TXNRD1: variants seen among roughly 807,000 people sequenced by gnomAD.
TXNRD1 encodes the protein thioredoxin reductase 1, cytoplasmic.
TXNRD1 carries 57 observed loss-of-function variants against 80.3 expected under a neutral mutation model. The ratio of observed to expected loss-of-function variants is 0.71; its 90% CI spans 0.57 to 0.89. TXNRD1 has a LOEUF of 0.89. TXNRD1 is among the 40% of genes least tolerant of loss of function. The pLI, the probability that TXNRD1 is intolerant of heterozygous loss-of-function variation, is 0.00. For synonymous variants in TXNRD1, 291 were observed against 285.2 expected (o/e 1.02, Z -0.20); for missense variants, 730 against 803.0 (o/e 0.91, Z 1.10).
chr12:104,329,776 A>G (rs2035888785), intron 13 of TXNRD1, among the ~76,000 whole-genome samples: 1 of 152,166 alleles, frequency 6.6e-6, no homozygotes, highest in Non-Finnish European at 1.5e-5. Flanking sequence ...TATGCGTGCA[A>G]TTCCATCCTT....
intron 5 of TXNRD1, among the ~76,000 whole-genome samples, chr12:104,312,344 G>A (rs568256345): frequency 5.3e-5 from 8 of 152,282 alleles, no homozygotes; most frequent in African/African-American, 1.9e-4. Context: ...TCCCATGTGA[G>A]GACCCCTTGG....
chr12:104,219,177 C>T (rs1020678362), intron 1 of TXNRD1, among the ~76,000 whole-genome samples: 7 of 152,112 alleles, frequency 4.6e-5, no homozygotes, highest in African/African-American at 1.4e-4. Flanking sequence ...AACACCTGGC[C>T]TCAAGTGATC....
rs763775599 is a variant in TXNRD1, at chr12:104,334,277, C to T, written c.1691C>T (p.Pro564Leu). The change falls in exon 15 of 17, where the codon CCG (proline) becomes CTG (leucine). Residue 564 changes from proline to leucine, a missense_variant. By Grantham distance (98) the Pro-to-Leu change is moderately conservative. Transcript: ENST00000525566. ...TTTTGGCCATTGGAATGGACGATTC[C>T]GTCAAGAGATAACAACAAATGTTAT... ...SYFWPLEWTI[P>L]SRDNNKCYAK... The T allele has an allele frequency of 5.2e-6, 8 of 1,537,754 alleles. No homozygotes were observed. Among genetic ancestry groups the T allele is most frequent in the African/African-American group, 1.4e-5 (1 of 72,606 alleles).
intron 1 of TXNRD1, among the ~76,000 whole-genome samples, chr12:104,228,644 G>A (rs2032532195): frequency 6.6e-6 from 1 of 152,144 alleles, no homozygotes; most frequent in Admixed American, 6.6e-5. Flanking sequence ...AATAAAGTGG[G>A]GGCGGCAGGG....
In TXNRD1 at chr12:104,349,750, A is replaced by G. The variant is rs960551744; in HGVS notation, c.*1329A>G. 1 of 152,400 alleles carries G rather than the reference A, an allele frequency of 6.6e-6. No homozygotes were observed. The highest frequency in any genetic ancestry group is 2.4e-5 in the African/African-American group (1 of 41,452). The allele number at this position is 152,400 out of a possible 1,614,324, so 9.4% of individuals were successfully genotyped here. On this transcript the variant is annotated 3_prime_UTR_variant, in exon 17 of 17. Coordinates refer to ENST00000525566, the MANE Select transcript of TXNRD1 (RefSeq NM_001093771.3). ...TGTGGACATCAGGCCTCCTGCCAGC[A>G]GTTCTTGAAGCTTCTTTTTCATTCC...
At chr12:104,294,227 G>A (rs2034342616) in intron 4 of TXNRD1, among the ~76,000 whole-genome samples, 1 of 20,262 alleles carries the variant, frequency 4.9e-5, no homozygotes, top group African/African-American at 1.5e-4. Context: ...ACTCCCCCGG[G>A]GAAAGGCCCC....
chr12:104,286,344 C>CT (rs1160586275), intron 3 of TXNRD1, among the ~76,000 whole-genome samples: 5 of 152,110 alleles, frequency 3.3e-5, no homozygotes, highest in African/African-American at 1.2e-4. Flanking sequence ...AAAAGACACT[C>CT]TGAGTTTTTC....
chr12:104,348,706 G>T lies in TXNRD1; in HGVS notation c.*285G>T. 1 of 383,544 alleles carries T rather than the reference G, an allele frequency of 2.6e-6. No homozygotes were observed. The highest frequency in any genetic ancestry group is 6.3e-5 in the South Asian group (1 of 15,846). 23.8% of individuals were successfully genotyped at this position (383,544 alleles called of 1,614,324 possible). On this transcript the variant is annotated 3_prime_UTR_variant, in exon 17 of 17. Transcript: ENST00000525566. ...TCAAGCCCATGTGGTAGGCGGTGAT[G>T]GAACAACTGTCAAATCAGTTTTAGC...
rs569331176 is a variant in TXNRD1 at position 104,319,798 on chromosome 12, C to A, written c.989+213C>A. Among the ~76,000 whole-genome samples the A allele has an allele frequency of 1.8e-3, 269 of 152,306 alleles. 4 individuals carry two copies. Among genetic ancestry groups the A allele is most frequent in the South Asian group, 0.014 (67 of 4,816 alleles). ...AATATTGAAAACTTCAAACATTGGT[C>A]ATCTTGCTACACAGAGTATCACTAA... is the stretch of plus-strand genomic sequence containing the variant. On this transcript the variant is annotated intron_variant, in intron 9 of 16. Transcript: ENST00000525566.
intron 1 of TXNRD1, among the ~76,000 whole-genome samples, chr12:104,241,255 G>C (rs985514291): frequency 6.6e-6 from 1 of 151,956 alleles, no homozygotes; most frequent in Non-Finnish European, 1.5e-5. Context: ...TGGCCAGGCT[G>C]GTGTCAAACT....
At chr12:104,255,009 G>C (rs767431685) in intron 2 of TXNRD1, among the ~76,000 whole-genome samples, 1 of 152,036 alleles carries the variant, frequency 6.6e-6, no homozygotes, top group Non-Finnish European at 1.5e-5. Flanking sequence ...GGAGGCACAG[G>C]CATGAGAATC....
At chr12:104,271,095 A>T (rs552288912) in intron 3 of TXNRD1, among the ~76,000 whole-genome samples, 11 of 152,294 alleles carry the variant, frequency 7.2e-5, no homozygotes, top group African/African-American at 2.6e-4. Flanking sequence ...TTGTGTGAGC[A>T]ACAAGCCTGT....
At chr12:104,291,165 A>C (rs1050862777) in intron 4 of TXNRD1, 1 of 403,122 alleles carries the variant, frequency 2.5e-6, no homozygotes, top group South Asian at 3.3e-5. Flanking sequence ...CATTTAGCAT[A>C]TTTCTTAAGT....
At position 104,311,396 on chromosome 12, in the gene TXNRD1, G is replaced by A; in HGVS notation, c.521G>A (p.Gly174Asp). 6.2e-7 allele frequency: 1 copy of A among 1,613,562 alleles called. No homozygotes were observed. The highest frequency in any genetic ancestry group is 8.5e-7 in the Non-Finnish European group (1 of 1,179,720). Reference protein sequence around the residue: ...DLIIIGGGSGGLAAAKEAAQY... With the variant: ...DLIIIGGGSGDLAAAKEAAQY... ...ATCATCATTGGAGGTGGCTCAGGAG[G>A]TCTGGCAGCTGCTAAGGCAAGGCTC... Residue 174 changes from glycine to aspartate, a missense_variant, in exon 5 of 17, where the codon GGT becomes GAT. By Grantham distance (94) the Gly-to-Asp change is moderately conservative (BLOSUM62 -1). Transcript: ENST00000525566.
At chr12:104,326,477 T>C in intron 12 of TXNRD1, 54 bp downstream of exon 12, 3 of 1,239,788 alleles carry the variant, frequency 2.4e-6, no homozygotes, top group Non-Finnish European at 3.3e-6. Context: ...TTTTTTTTTT[T>C]TTTTTGAGAT....
intron 5 of TXNRD1, among the ~76,000 whole-genome samples, chr12:104,312,928 C>G (rs912280431): frequency 8.1e-5 from 12 of 148,106 alleles, no homozygotes; most frequent in Admixed American, 7.6e-4. Flanking sequence ...TGGCCACTTT[C>G]TTTTTTCAGG....
At chr12:104,324,601 C>T (rs10861200) in intron 10 of TXNRD1, among the ~76,000 whole-genome samples, 49,847 of 151,364 alleles carry the variant, frequency 0.33, 8,383 homozygotes, top group African/African-American at 0.39. Flanking sequence ...CCTCCCGCCT[C>T]GGCCTCCCAA....
Position 104,265,476 on chromosome 12 carries a change from G to C in TXNRD1, c.304+7397G>C, listed in dbSNP as rs994879177. ...TATCTCAGTTAAAGAAGATGAAGAA[G>C]TCTTCAGGGGAGATTGTCTACTGTG... On this transcript the variant is annotated intron_variant, in intron 3 of 16. Coordinates refer to ENST00000525566, the MANE Select transcript of TXNRD1 (RefSeq NM_001093771.3). 2.5e-6 allele frequency: 4 copies of C among 1,608,492 alleles called. No homozygotes were observed. The African/African-American group carries it at 5.3e-5, about 21-fold the overall frequency.
intron 1 of TXNRD1, among the ~76,000 whole-genome samples, chr12:104,220,202 G>A (rs1276462772): frequency 6.6e-6 from 1 of 152,176 alleles, no homozygotes; most frequent in Non-Finnish European, 1.5e-5. Context: ...GAAATTGAAA[G>A]CTTTGGAATG....
Sources: gnomAD v4.1 joint callset for allele counts (sites outside exome capture counted in the v4.1 genomes callset) on GRCh38, gnomAD v4.1.1 for gene constraint, MANE v1.5 for transcripts, NCBI Gene and HGNC (gene_info 2026-07-23, HGNC 2026-07-21) for gene names.